Variants in CLTCL1 observed in about 807,000 individuals in gnomAD.
CLTCL1 encodes clathrin heavy chain like 1.
In CLTCL1, 159 loss-of-function variants were observed where a neutral mutation model predicts 190.0. The ratio of observed to expected loss-of-function variants is 0.84; its 90% CI spans 0.74 to 0.95. The LOEUF is 0.95. Among genes scored for constraint, CLTCL1 ranks in the 40% least tolerant of loss-of-function variants. CLTCL1 has a pLI of 0.00. For synonymous variants in CLTCL1, 752 were observed against 769.6 expected (o/e 0.98, Z 0.38); for missense variants, 1,878 against 2,033.4 (o/e 0.92, Z 1.47).
intron 27 of CLTCL1, 58 bp from the exon 28 acceptor site, chr22:19,188,149 G>A (rs1305683422): frequency 2.0e-6 from 3 of 1,510,532 alleles, no homozygotes; most frequent in Non-Finnish European, 2.8e-6. Context: ...GGGACACTAG[G>A]CAGGGGCACA....
At chr22:19,269,086 C>CAA (rs1276597870) in intron 2 of CLTCL1, among the ~76,000 whole-genome samples, 6 of 62,894 alleles carry the variant, frequency 9.5e-5, no homozygotes, top group Admixed American at 1.8e-4. Flanking sequence ...CAAGACTCCT[C>CAA]AAAAAAAAAA....
rs558510198 is a variant in CLTCL1, at chr22:19,277,326, A to G, written c.43-1496T>C. Among the ~76,000 whole-genome samples, 4 of 152,312 alleles carry G rather than the reference A, an allele frequency of 2.6e-5. No homozygotes were observed. The South Asian group carries it at 8.3e-4, about 32-fold the overall frequency. ...CACACACTTTACACTTGGGAAAAAC[A>G]AAGTGTTGGGGTTAAGAAATCTTTC... is the stretch of plus-strand genomic sequence containing the variant. On this transcript the variant is annotated intron_variant, in intron 1 of 32. Transcript: ENST00000427926.
chr22:19,180,871 G>T, intron 30 of CLTCL1, 65 bp from the exon 31 acceptor site: 1 of 1,453,442 alleles, frequency 6.9e-7, no homozygotes, highest in Non-Finnish European at 9.7e-7. Context: ...CTAGGTGAAA[G>T]TGGAGTGGAA....
chr22:19,278,838 T>C (rs1555984846), intron 1 of CLTCL1, among the ~76,000 whole-genome samples: 1 of 151,998 alleles, frequency 6.6e-6, no homozygotes, highest in African/African-American at 2.4e-5. Flanking sequence ...ACCTCCCGGG[T>C]TCAAGCGATT....
At chr22:19,258,879 C>A (rs1052303512) in intron 2 of CLTCL1, 1 of 459,566 alleles carries the variant, frequency 2.2e-6, no homozygotes, top group Non-Finnish European at 3.9e-6. Flanking sequence ...AAAACCCCAA[C>A]AATTAAAATC....
chr22:19,211,623 T>C (rs923581946), intron 19 of CLTCL1, among the ~76,000 whole-genome samples: 9 of 151,762 alleles, frequency 5.9e-5, no homozygotes, highest in South Asian at 2.1e-4. Context: ...AAAAATTAGC[T>C]GGGCGTGGTG....
At chr22:19,199,135 C>G (rs376247282) in intron 24 of CLTCL1, among the ~76,000 whole-genome samples, 1 of 152,160 alleles carries the variant, frequency 6.6e-6, no homozygotes, top group African/African-American at 2.4e-5. Context: ...ATCCCATCTT[C>G]GTCTGCCTTG....
intron 29 of CLTCL1, among the ~76,000 whole-genome samples, chr22:19,185,778 G>T (rs1206291535): frequency 1.3e-5 from 2 of 152,242 alleles, no homozygotes; most frequent in African/African-American, 4.8e-5. Context: ...AGGAGGCTGT[G>T]TGTTTAAGCC....
chr22:19,238,463 CT>C (rs2086150322), intron 5 of CLTCL1: 1 of 188,710 alleles, frequency 5.3e-6, no homozygotes, highest in Non-Finnish European at 1.2e-5. Flanking sequence ...GCCTTTGACA[CT>C]TCCACAACAA....
At position 19,234,667 on chromosome 22, in the gene CLTCL1, A is replaced by G; in HGVS notation, c.1009T>C (p.Tyr337His). 1 of 1,614,008 alleles carries G rather than the reference A, an allele frequency of 6.2e-7. No homozygotes were observed. The highest frequency in any genetic ancestry group is 8.5e-7 in the Non-Finnish European group (1 of 1,179,888). ...GGATTCTGAAGCACGTTGGTTGCAT[A>G]ATTCACAATGTTATCTTCCTCAACA... ...VCVEEDNIVN[Y>H]ATNVLQNPDL... Residue 337 changes from tyrosine to histidine, a missense_variant, in exon 7 of 33, where the codon TAT becomes CAT. Transcript: ENST00000427926.
intron 19 of CLTCL1, among the ~76,000 whole-genome samples, chr22:19,212,313 A>C (rs544461996): frequency 2.0e-5 from 3 of 151,532 alleles, no homozygotes; most frequent in Non-Finnish European, 4.4e-5. Context: ...TAATCCCAGC[A>C]CTTTGGGAGG....
At position 19,232,471 on chromosome 22, in the gene CLTCL1, C is replaced by T; in HGVS notation, c.1644+5G>A. Reference sequence around the variant, plus strand: ...AAAAAGTTGTCCAAAACTGCCTACGCTCACCTGGCTAATGTTGGCCAGCGG... The same window carrying T: ...AAAAAGTTGTCCAAAACTGCCTACGTTCACCTGGCTAATGTTGGCCAGCGG... On this transcript the variant is annotated splice_donor_5th_base_variant and intron_variant, in intron 10 of 32. Coordinates refer to ENST00000427926, the MANE Select transcript of CLTCL1 (RefSeq NM_007098.4). 2 of 1,613,940 alleles carry T rather than the reference C, an allele frequency of 1.2e-6. No homozygotes were observed. The highest frequency in any genetic ancestry group is 1.7e-6 in the Non-Finnish European group (2 of 1,179,846).
intron 2 of CLTCL1, among the ~76,000 whole-genome samples, chr22:19,255,978 G>A (rs1286957916): frequency 2.0e-5 from 3 of 151,638 alleles, no homozygotes; most frequent in Admixed American, 2.0e-4. Context: ...TTAACAAAGG[G>A]TAAGCAAAGT....
At chr22:19,243,209 A>G (rs1479213308) in intron 3 of CLTCL1, among the ~76,000 whole-genome samples, 1 of 152,134 alleles carries the variant, frequency 6.6e-6, no homozygotes, top group African/African-American at 2.4e-5. Context: ...TTTTTCATGG[A>G]AAGTAACTCG....
At position 19,191,368 on chromosome 22, in the gene CLTCL1, TTGA is replaced by T. The variant is rs1569150462; in HGVS notation, c.4256_4258del (p.Ile1419del). On this transcript the variant is annotated inframe_deletion, in exon 27 of 33. Transcript: ENST00000427926. ...GGGTGAAAGCACCAGCAGCAGGTCA[TTGA>T]TGAGCAGTGGTTTGTAATCCAAATA... The T allele has an allele frequency of 2.5e-6, 4 of 1,613,858 alleles. No individual in the cohort carries two copies. In the East Asian group the frequency reaches 8.9e-5, roughly 36 times the overall value.
At chr22:19,211,324 T>C (rs2085213310) in intron 19 of CLTCL1, among the ~76,000 whole-genome samples, 1 of 152,172 alleles carries the variant, frequency 6.6e-6, no homozygotes, top group South Asian at 2.1e-4. Flanking sequence ...GTCTGGACAC[T>C]TTCCCCGAGG....
At position 19,232,384 on chromosome 22, in the gene CLTCL1, CA is replaced by C. The variant is rs1367834739; in HGVS notation, c.1644+91del. The C allele has an allele frequency of 4.5e-6, 7 of 1,542,704 alleles. No individual in the cohort carries two copies. The East Asian group carries it at 1.6e-4, about 35-fold the overall frequency. ...AAGATTAATAGCAGATGAAGAAAAG[CA>C]TTGAGACAAGTTAACAGGAAACGAA... On this transcript the variant is annotated intron_variant, in intron 10 of 32. Transcript: ENST00000427926.
intron 2 of CLTCL1, among the ~76,000 whole-genome samples, chr22:19,255,463 T>A (rs1290932419): frequency 5.3e-5 from 8 of 151,878 alleles, no homozygotes; most frequent in Admixed American, 5.2e-4. Context: ...CTTGAGAGGC[T>A]GAGGCAGGAG....
intron 3 of CLTCL1, among the ~76,000 whole-genome samples, chr22:19,244,936 A>C (rs1355884051): frequency 2.0e-5 from 3 of 152,172 alleles, no homozygotes; most frequent in African/African-American, 4.8e-5. Context: ...AGATGGTAAG[A>C]GTTTCCGGCA....
Sources: allele counts gnomAD v4.1 joint callset (sites outside exome capture counted in the v4.1 genomes callset), GRCh38; gene constraint gnomAD v4.1.1; transcripts MANE v1.5; gene names NCBI Gene and HGNC (gene_info 2026-07-23, HGNC 2026-07-21).